The following ZNF160 variants were observed in gnomAD, a reference collection of about 807,000 sequenced individuals.
ZNF160 encodes the protein zinc finger protein 160.
ZNF160 carries 9 observed loss-of-function variants against 13.1 expected under a neutral mutation model. The ratio of observed to expected loss-of-function variants is 0.69; its 90% CI spans 0.41 to 1.20. ZNF160 has a LOEUF of 1.20. ZNF160 is among the 50% of genes most tolerant of loss of function. ZNF160 has a pLI of 0.01. For synonymous variants in ZNF160, 293 were observed against 333.2 expected (o/e 0.88, Z 1.31); for missense variants, 838 against 988.0 (o/e 0.85, Z 2.04).
intron 5 of ZNF160, among the ~76,000 whole-genome samples, chr19:53,071,894 T>G (rs2084190234): frequency 6.6e-6 from 1 of 152,126 alleles, no homozygotes; most frequent in Non-Finnish European, 1.5e-5. Context: ...ACATAATATA[T>G]TATAATGGCA....
Position 53,068,885 on chromosome 19 carries a change from GAT to G in ZNF160, c.1647_1648del (p.Lys549AsnfsTer4). 6.2e-7 allele frequency: 1 copy of G among 1,614,120 alleles called. No homozygotes were observed. Among genetic ancestry groups the G allele is most frequent in the South Asian group, 1.1e-5 (1 of 91,072 alleles). On this transcript the variant is annotated frameshift_variant, in exon 6 of 6. Coordinates refer to ENST00000683776, the MANE Select transcript of ZNF160 (RefSeq NM_001322131.2). LOFTEE classifies it low-confidence loss of function (END_TRUNC). Reference sequence around the variant, plus strand: ...AATTCCCCGATGACTTCTAAGGTGTGATTTTTGAGTGAAGCTCTTGCCACATT... The same window carrying G: ...AATTCCCCGATGACTTCTAAGGTGTGTTTTGAGTGAAGCTCTTGCCACATT...
chr19:53,099,514 A>G (rs8099848), intron 1 of ZNF160, among the ~76,000 whole-genome samples: 24,343 of 151,492 alleles, frequency 0.16, 2,254 homozygotes, highest in African/African-American at 0.24. Context: ...AGGGTTCCCT[A>G]CCAGGGACTG....
chr19:53,085,215 T>A, intron 3 of ZNF160: 1 of 985,416 alleles, frequency 1.0e-6, no homozygotes, highest in South Asian at 4.7e-5. Flanking sequence ...TGAGCTCCTG[T>A]TTCCTAACAC....
chr19:53,075,279 T>C (rs1308841439), intron 3 of ZNF160, 96 bp from the exon 4 acceptor site: 8 of 1,494,038 alleles, frequency 5.4e-6, no homozygotes, highest in East Asian at 2.3e-5. Flanking sequence ...ATAGGTTAAA[T>C]TGAAGTGGGT....
intron 5 of ZNF160, among the ~76,000 whole-genome samples, chr19:53,072,635 T>C (rs559456980): frequency 1.3e-5 from 2 of 152,176 alleles, no homozygotes; most frequent in Admixed American, 1.3e-4. Flanking sequence ...GTGGATCACC[T>C]GAAGTCGAGA....
At chr19:53,093,028 T>C (rs1199994973) in intron 1 of ZNF160, among the ~76,000 whole-genome samples, 2 of 152,204 alleles carry the variant, frequency 1.3e-5, no homozygotes, top group Admixed American at 6.5e-5. Flanking sequence ...TTGAGAATAG[T>C]AGGGGTGAAT....
chr19:53,080,940 C>T (rs924135824), intron 3 of ZNF160, among the ~76,000 whole-genome samples: 2 of 151,980 alleles, frequency 1.3e-5, no homozygotes, highest in African/African-American at 4.8e-5. Flanking sequence ...AACTGATCTT[C>T]AAGAAAATCA....
At chr19:53,085,865 C>T in intron 3 of ZNF160, 1 of 567,390 alleles carries the variant, frequency 1.8e-6, no homozygotes, top group Non-Finnish European at 3.0e-6. Flanking sequence ...CCTTAGTGTT[C>T]TTTTCTATGC....
At chr19:53,088,571 T>C (rs907048960) in intron 2 of ZNF160, among the ~76,000 whole-genome samples, 10 of 152,040 alleles carry the variant, frequency 6.6e-5, no homozygotes, top group African/African-American at 9.7e-5. Flanking sequence ...TAGAATATTA[T>C]GCTCTTAAAT....
chr19:53,084,487 G>A (rs753018304), intron 3 of ZNF160, among the ~76,000 whole-genome samples: 2 of 152,164 alleles, frequency 1.3e-5, no homozygotes, highest in Non-Finnish European at 2.9e-5. Flanking sequence ...CAGAGCCGCC[G>A]TGCTCCGGCC....
chr19:53,094,231 T>C (rs969997092), intron 1 of ZNF160, among the ~76,000 whole-genome samples: 6 of 152,138 alleles, frequency 3.9e-5, no homozygotes, highest in African/African-American at 1.4e-4. Context: ...CCAGATACCG[T>C]TCCTCCACAC....
intron 1 of ZNF160, among the ~76,000 whole-genome samples, chr19:53,102,945 G>T (rs987831977): frequency 5.3e-5 from 8 of 152,274 alleles, no homozygotes; most frequent in Middle Eastern, 3.4e-3. Flanking sequence ...CTTAGGACAG[G>T]GGTGGGATGT....
intron 1 of ZNF160, among the ~76,000 whole-genome samples, chr19:53,098,272 C>A (rs561265331): frequency 1.3e-5 from 2 of 152,222 alleles, no homozygotes; most frequent in East Asian, 3.9e-4. Context: ...CCTCTAGAGG[C>A]TCAGCATTGC....
At chr19:53,082,608 T>A (rs1568490565) in intron 3 of ZNF160, among the ~76,000 whole-genome samples, 1 of 152,194 alleles carries the variant, frequency 6.6e-6, no homozygotes, top group Non-Finnish European at 1.5e-5. Context: ...AGATCAAGGC[T>A]GCAGTCAGCT....
rs1319685642 is a variant in ZNF160 at position 53,067,955 on chromosome 19, A to G, written c.*122T>C. 4 of 1,369,518 alleles carry G rather than the reference A, an allele frequency of 2.9e-6. No individual in the cohort carries two copies. The highest frequency in any genetic ancestry group is 4.0e-6 in the Non-Finnish European group (4 of 1,010,086). 84.8% of individuals were successfully genotyped at this position (1,369,518 alleles called of 1,614,324 possible). A position where few individuals can be genotyped will look rare whatever the true frequency, so the allele number is the denominator to read the frequency against. On this transcript the variant is annotated 3_prime_UTR_variant, in exon 6 of 6. Coordinates refer to ENST00000683776, the MANE Select transcript of ZNF160 (RefSeq NM_001322131.2). Reference sequence around the variant, plus strand: ...TGATGTCTCTTGCTTATGGCCTCTCATATCTATTAATGCTTCAACTCATGA... The same window carrying G: ...TGATGTCTCTTGCTTATGGCCTCTCGTATCTATTAATGCTTCAACTCATGA...
Position 53,068,918 on chromosome 19 carries a change from C to G in ZNF160, c.1616G>C (p.Cys539Ser), listed in dbSNP as rs746283907. 6.2e-7 allele frequency: 1 copy of G among 1,614,006 alleles called. No homozygotes were observed. Among genetic ancestry groups the G allele is most frequent in the Non-Finnish European group, 8.5e-7 (1 of 1,180,000 alleles). Residue 539 changes from cysteine (C) to serine (S), a missense_variant, in exon 6 of 6, where the codon TGT becomes TCT. Transcript: ENST00000683776. ...AGTGAAGCTCTTGCCACATTCAATACATTTGTAAGGTTTCTCTCCAGAATG... is the reference window on the plus strand; with the variant it reads ...AGTGAAGCTCTTGCCACATTCAATAGATTTGTAAGGTTTCTCTCCAGAATG... Reference protein sequence around the residue: ...AIHSGEKPYKCIECGKSFTQK... With the variant: ...AIHSGEKPYKSIECGKSFTQK...
intron 3 of ZNF160, among the ~76,000 whole-genome samples, chr19:53,080,107 CTTT>C (rs60598879): frequency 6.4e-5 from 9 of 140,954 alleles, no homozygotes; most frequent in African/African-American, 1.1e-4. Context: ...ATCAGCAGTA[CTTT>C]TTTTTTTTTT....
At chr19:53,079,400 T>A (rs114884578) in intron 3 of ZNF160, among the ~76,000 whole-genome samples, 5,626 of 151,420 alleles carry the variant, frequency 0.037, 190 homozygotes, top group Middle Eastern at 0.14. Context: ...AATACAAAAA[T>A]TTAGCCAGGC....
chr19:53,074,464 G>A (rs932640452), intron 4 of ZNF160, among the ~76,000 whole-genome samples, 196 bp from the exon 5 acceptor site: 1 of 151,930 alleles, frequency 6.6e-6, no homozygotes, highest in African/African-American at 2.4e-5. Flanking sequence ...TCAGGAGATG[G>A]AGATCATGAT....
Sources: allele counts gnomAD v4.1 joint callset (sites outside exome capture counted in the v4.1 genomes callset), GRCh38; gene constraint gnomAD v4.1.1; transcripts MANE v1.5; gene names NCBI Gene and HGNC (gene_info 2026-07-23, HGNC 2026-07-21).